Variants in NFIB observed in about 807,000 individuals in gnomAD.
NFIB encodes the protein nuclear factor 1 B-type.
Under a neutral mutation model 61.5 loss-of-function variants are expected in NFIB, and 11 were observed. That is an observed-to-expected ratio of 0.18 (90% confidence interval 0.11 to 0.30). NFIB has a LOEUF of 0.30. Among genes scored for constraint, NFIB ranks in the 10% least tolerant of loss-of-function variants. The pLI is 1.00. For missense variants in NFIB, 471 were observed against 608.9 expected, an observed-to-expected ratio of 0.77 and a Z score of 2.38; for synonymous variants, 260 against 216.5, an observed-to-expected ratio of 1.20 and a Z score of -1.76.
intron 2 of NFIB, among the ~76,000 whole-genome samples, chr9:14,295,152 T>C (rs1009500898): frequency 6.6e-6 from 1 of 152,134 alleles, no homozygotes; most frequent in Non-Finnish European, 1.5e-5. Flanking sequence ...CTTAACACGA[T>C]AGAAAAGGAG....
At chr9:14,371,774 A>T (rs1193625427) in intron 1 of NFIB, among the ~76,000 whole-genome samples, 2 of 152,122 alleles carry the variant, frequency 1.3e-5, no homozygotes, top group African/African-American at 4.8e-5. Context: ...GGCTCCAGTG[A>T]CTCCATCAAT....
In NFIB at chr9:14,086,242, C is replaced by T. The variant is rs1276387614; in HGVS notation, c.*2067G>A. ...AAAGTGTTAAAAATCCTCCCACCCACCCCAGAATATATATATATGTATATT... is the reference window on the plus strand; with the variant it reads ...AAAGTGTTAAAAATCCTCCCACCCATCCCAGAATATATATATATGTATATT... On this transcript the variant is annotated 3_prime_UTR_variant, in exon 11 of 11. Coordinates refer to ENST00000380953, the MANE Select transcript of NFIB (RefSeq NM_001190737.2). 1 of 221,692 alleles carries T rather than the reference C, an allele frequency of 4.5e-6. No individual in the cohort carries two copies. Among genetic ancestry groups the T allele is most frequent in the African/African-American group, 2.2e-5 (1 of 44,574 alleles). The allele number at this position is 221,692 out of a possible 1,614,324, so 13.7% of individuals were successfully genotyped here.
At chr9:14,482,595 G>A in the NFIB span, among the ~76,000 whole-genome samples, 2 of 152,222 alleles carry the variant, frequency 1.3e-5, no homozygotes, top group Non-Finnish European at 2.9e-5. Context: ...GTCTATCTGT[G>A]CAAAGCACCG....
the NFIB span, among the ~76,000 whole-genome samples, chr9:14,455,073 C>T: frequency 6.6e-6 from 1 of 152,180 alleles, no homozygotes; most frequent in Non-Finnish European, 1.5e-5. Context: ...CTTAATTTGA[C>T]TGATACAAAT....
At chr9:14,311,207 T>C (rs1165423528) in intron 1 of NFIB, among the ~76,000 whole-genome samples, 2 of 148,566 alleles carry the variant, frequency 1.3e-5, no homozygotes, top group African/African-American at 5.2e-5. Context: ...TAAATTAAGA[T>C]TTTTTTTCTA....
intron 2 of NFIB, among the ~76,000 whole-genome samples, chr9:14,288,501 G>A (rs1344993661): frequency 2.6e-5 from 4 of 151,968 alleles, no homozygotes; most frequent in African/African-American, 9.7e-5. Flanking sequence ...AATGCCAAAT[G>A]CAGTTAATTT....
chr9:14,232,001 G>A (rs978679035), intron 2 of NFIB, among the ~76,000 whole-genome samples: 2 of 152,156 alleles, frequency 1.3e-5, no homozygotes, highest in African/African-American at 2.4e-5. Context: ...CAAGGTCTTC[G>A]CCAACAACAC....
chr9:14,231,495 C>T (rs1259436100), intron 2 of NFIB, among the ~76,000 whole-genome samples: 3 of 152,072 alleles, frequency 2.0e-5, no homozygotes, highest in African/African-American at 7.2e-5. Flanking sequence ...TCCCGGGTAC[C>T]AGATCTTTTA....
At chr9:14,322,234 C>A in intron 1 of NFIB, 1 of 711,418 alleles carries the variant, frequency 1.4e-6, no homozygotes, top group Non-Finnish European at 1.9e-6. Context: ...GGATTTCCAG[C>A]TTTCTTTCCT....
intron 1 of NFIB, among the ~76,000 whole-genome samples, chr9:14,356,207 A>G (rs2132931412): frequency 6.6e-6 from 1 of 152,256 alleles, no homozygotes; most frequent in African/African-American, 2.4e-5. Flanking sequence ...AAAACTTCCC[A>G]TTCTCTGGTA....
At position 14,148,231 on chromosome 9, in the gene NFIB, T is replaced by G. The variant is rs572704296; in HGVS notation, c.807-1424A>C. Reference sequence around the variant, plus strand: ...TCAAGCTCCTGGGCTCAAGTGATCCTCCTACCACAGCCGCCCAAATAGTTA... The same window carrying G: ...TCAAGCTCCTGGGCTCAAGTGATCCGCCTACCACAGCCGCCCAAATAGTTA... On this transcript the variant is annotated intron_variant, in intron 5 of 10. Coordinates refer to ENST00000380953, the MANE Select transcript of NFIB (RefSeq NM_001190737.2). Among the ~76,000 whole-genome samples, 6 of 152,164 alleles carry G rather than the reference T, an allele frequency of 3.9e-5. 1 individual carries two copies. The highest frequency in any genetic ancestry group is 1.4e-4 in the African/African-American group (6 of 41,512).
At chr9:14,419,338 G>T in the NFIB span, among the ~76,000 whole-genome samples, 1 of 148,714 alleles carries the variant, frequency 6.7e-6, no homozygotes, top group East Asian at 2.0e-4. Flanking sequence ...TGAATGAAAA[G>T]CAGACTTGAA....
At chr9:14,530,898 A>C in the NFIB span, among the ~76,000 whole-genome samples, 1 of 152,292 alleles carries the variant, frequency 6.6e-6, no homozygotes, top group Admixed American at 6.5e-5. Flanking sequence ...GAAAGGGGCA[A>C]AAAGAAGAAA....
the NFIB span, among the ~76,000 whole-genome samples, chr9:14,404,478 C>T: frequency 2.0e-5 from 3 of 152,202 alleles, no homozygotes; most frequent in African/African-American, 7.2e-5. Flanking sequence ...GTTCAAAATA[C>T]TCTTTCCTAC....
intron 2 of NFIB, among the ~76,000 whole-genome samples, chr9:14,193,586 A>G (rs2048179568): frequency 6.6e-6 from 1 of 152,206 alleles, no homozygotes; most frequent in African/African-American, 2.4e-5. Flanking sequence ...TTTACATAAG[A>G]AAAATTACAA....
intron 2 of NFIB, among the ~76,000 whole-genome samples, chr9:14,222,140 C>T (rs533329920): frequency 6.6e-6 from 1 of 152,194 alleles, no homozygotes; most frequent in East Asian, 1.9e-4. Context: ...CCCTTGTCAA[C>T]TGTTTCCAGT....
chr9:14,169,989 A>G (rs1006456094), intron 3 of NFIB, among the ~76,000 whole-genome samples: 1 of 152,250 alleles, frequency 6.6e-6, no homozygotes, highest in Non-Finnish European at 1.5e-5. Flanking sequence ...GAAAAAGATT[A>G]AAACTCCTCG....
At chr9:14,325,848 AATAC>A (rs1361092187) in intron 1 of NFIB, among the ~76,000 whole-genome samples, 8 of 152,150 alleles carry the variant, frequency 5.3e-5, no homozygotes, top group Non-Finnish European at 1.2e-4. Flanking sequence ...GAATTTAAAA[AATAC>A]ATAATGTATT....
In NFIB at chr9:14,204,878, A is replaced by G. The variant is rs144306846; in HGVS notation, c.563-25098T>C. The G allele has an allele frequency of 4.3e-3, 1,618 of 380,100 alleles. 32 individuals are homozygous for G. The highest frequency in any genetic ancestry group is 0.031 in the African/African-American group (1,472 of 47,882). The allele number at this position is 380,100 out of a possible 1,614,324, so 23.5% of individuals were successfully genotyped here. On this transcript the variant is annotated intron_variant, in intron 2 of 10. Transcript: ENST00000380953. ...CTTCATACAGGTTAACTCAGAAGAC[A>G]AAGGGGCTTTGGTTAAGCTGGTGGT...
Sources: gnomAD v4.1 joint callset for allele counts (sites outside exome capture counted in the v4.1 genomes callset) on GRCh38, gnomAD v4.1.1 for gene constraint, MANE v1.5 for transcripts, NCBI Gene and HGNC (gene_info 2026-07-23, HGNC 2026-07-21) for gene names.